TWIST1: variants seen among roughly 807,000 people sequenced by gnomAD.
TWIST1 encodes twist-related protein 1.
TWIST1 carries 8 observed loss-of-function variants against 12.9 expected under a neutral mutation model. The observed-to-expected ratio is 0.62, with a 90% CI of 0.37 to 1.12. The LOEUF (loss-of-function observed/expected upper bound fraction) is 1.12, where lower values mean the gene tolerates loss of function less well. TWIST1 is among the 50% of genes most tolerant of loss of function. The pLI is 0.02. For missense variants in TWIST1, 268 were observed against 299.7 expected (o/e 0.89, Z 0.78); for synonymous variants, 169 against 138.7 (o/e 1.22, Z -1.54).
chr7:19,114,623 T>A (rs1788531097), downstream of TWIST1, among the ~76,000 whole-genome samples: 2 of 151,886 alleles, frequency 1.3e-5, no homozygotes, highest in Admixed American at 1.3e-4. Flanking sequence ...AACTTCAGAT[T>A]GTGTGTGTGT....
downstream of TWIST1, chr7:19,113,807 A>G (rs960576984): frequency 6.6e-6 from 1 of 152,214 alleles, no homozygotes; most frequent in African/African-American, 2.4e-5. Flanking sequence ...GAAATAAAAG[A>G]AAGGCAAATG....
chr7:19,116,640 AGGCGAAGG>A, intron 1 of TWIST1, 23 bp downstream of exon 1: 1 of 1,504,672 alleles, frequency 6.6e-7, no homozygotes. Context: ...GCCACCTGAG[AGGCGAAGG>A]GGTGCAGCGG....
In TWIST1 at chr7:19,117,398, C is replaced by A. The variant is rs902941485; in HGVS notation, c.-77G>T. The A allele has an allele frequency of 1.5e-5, 19 of 1,293,268 alleles. 1 individual carries two copies. Among genetic ancestry groups the A allele is most frequent in the South Asian group, 1.9e-5 (1 of 53,738 alleles). 80.1% of individuals were successfully genotyped at this position (1,293,268 alleles called of 1,614,324 possible). A position where few individuals can be genotyped will look rare whatever the true frequency, so the allele number is the denominator to read the frequency against. ...GGGGCGCCTCAGCCCGCCAGCTTCC[C>A]CCGCGCGCGGCGCCGGCCCGGGCGA... is the stretch of plus-strand genomic sequence containing the variant. On this transcript the variant is annotated 5_prime_UTR_variant, in exon 1 of 2. Coordinates refer to ENST00000242261, the MANE Select transcript of TWIST1 (RefSeq NM_000474.4).
chr7:19,114,994 AT>A (rs1234680697), downstream of TWIST1, among the ~76,000 whole-genome samples: 2 of 152,284 alleles, frequency 1.3e-5, no homozygotes, highest in East Asian at 3.9e-4. Context: ...TTTATTTTCT[AT>A]GCATTTCTGG....
chr7:19,116,460 G>A (rs1788566835), intron 1 of TWIST1, among the ~76,000 whole-genome samples: 1 of 152,186 alleles, frequency 6.6e-6, no homozygotes, highest in Admixed American at 6.5e-5. Context: ...CCCCTCACCA[G>A]GGCGCATCCC....
At position 19,117,102 on chromosome 7, in the gene TWIST1, G is replaced by T; in HGVS notation, c.220C>A (p.Arg74Ser). Residue 74 changes from arginine to serine, a missense_variant, in exon 1 of 2, where the codon CGC becomes AGC. Around this residue, in one of 2 missense-constraint regions of TWIST1, gnomAD observed 189 missense variants for 172.1 expected, o/e 1.10. Transcript: ENST00000242261. ...DEPGSPAQGK[R>S]GKKSAGCGGG... The stretch of plus-strand genomic sequence containing the variant: ...CCACAGCCCGCAGACTTCTTGCCGC[G>T]CTTGCCCTGGGCCGGGCTGCCCGGC... 7.5e-7 allele frequency: 1 copy of T among 1,327,842 alleles called. No homozygotes were observed. The allele number at this position is 1,327,842 out of a possible 1,614,324, so 82.3% of individuals were successfully genotyped here. A position where few individuals can be genotyped will look rare whatever the true frequency, so the allele number is the denominator to read the frequency against.
rs1308925887 is a variant in TWIST1, at chr7:19,117,064, G to A, written c.258C>T (p.Gly86=). The change falls in exon 1 of 2, where the codon GGC becomes GGT. Residue 86 remains glycine, a synonymous_variant. Coordinates refer to ENST00000242261, the MANE Select transcript of TWIST1 (RefSeq NM_000474.4). ...KKSAGCGGGG[G]AGGGGGSSSG... ...TGCTGCTGCCGCCGCCGCCGCCCGC[G>A]CCGCCGCCGCCGCCACAGCCCGCAG... The A allele has an allele frequency of 7.3e-7, 1 of 1,376,980 alleles. No individual in the cohort carries two copies. Among genetic ancestry groups the A allele is most frequent in the Non-Finnish European group, 9.3e-7 (1 of 1,072,592 alleles). The allele number at this position is 1,376,980 out of a possible 1,614,324, so 85.3% of individuals were successfully genotyped here.
Position 19,117,015 on chromosome 7 carries a change from A to G in TWIST1, c.307T>C (p.Tyr103His). ...ACCCGCTGCGTCTGCAGCTCCTCGT[A>G]AGACTGCGGACTCCCGCCGCCGCTG... ...SSSGGGSPQS[Y>H]EELQTQRVMA... Residue 103 changes from tyrosine to histidine, a missense_variant, in exon 1 of 2, where the codon TAC becomes CAC. Tyr to His is a moderately conservative substitution (Grantham distance 83). This residue lies in a region of TWIST1 where 189 missense variants were observed against 172.1 expected (regional missense o/e 1.10). Transcript: ENST00000242261. The G allele has an allele frequency of 1.3e-6, 2 of 1,569,774 alleles. No homozygotes were observed. The highest frequency in any genetic ancestry group is 1.7e-6 in the Non-Finnish European group (2 of 1,164,674).
rs887861136 is a variant in TWIST1 at position 19,117,627 on chromosome 7, T to A, written c.-306A>T. The A allele has an allele frequency of 9.5e-7, 1 of 1,055,800 alleles. No homozygotes were observed. The highest frequency in any genetic ancestry group is 1.7e-5 in the African/African-American group (1 of 58,904). The allele number at this position is 1,055,800 out of a possible 1,614,324, so 65.4% of individuals were successfully genotyped here. A position where few individuals can be genotyped will look rare whatever the true frequency, so the allele number is the denominator to read the frequency against. On this transcript the variant is annotated 5_prime_UTR_variant, in exon 1 of 2. Coordinates refer to ENST00000242261, the MANE Select transcript of TWIST1 (RefSeq NM_000474.4). Reference sequence around the variant, plus strand: ...CCGGTGCTGCAGAGCCCGCGAGGTGTCTGGGAGTTGGGCGAGAGCTGCAGA... The same window carrying A: ...CCGGTGCTGCAGAGCCCGCGAGGTGACTGGGAGTTGGGCGAGAGCTGCAGA...
At chr7:19,113,567 A>C (rs1788511573), downstream of TWIST1, 1 of 152,226 alleles carries the variant, frequency 6.6e-6, no homozygotes, top group African/African-American at 2.4e-5. Context: ...AGGGATTAGA[A>C]TCTGCAAGCT....
downstream of TWIST1, among the ~76,000 whole-genome samples, chr7:19,114,626 G>C (rs1788531139): frequency 6.6e-6 from 1 of 152,136 alleles, no homozygotes; most frequent in Non-Finnish European, 1.5e-5. Flanking sequence ...TTCAGATTGT[G>C]TGTGTGTGTA....
rs1301097853 is a variant in TWIST1 at position 19,117,442 on chromosome 7, G to A, written c.-121C>T. The stretch of plus-strand genomic sequence containing the variant: ...CGGGCGATGCGGCCCGCGGAGGAGA[G>A]AGCAGGAGGACGGACGGGAGGGACC... On this transcript the variant is annotated 5_prime_UTR_variant, in exon 1 of 2. Transcript: ENST00000242261. 4.2e-6 allele frequency: 5 copies of A among 1,201,414 alleles called. No homozygotes were observed. Among genetic ancestry groups the A allele is most frequent in the South Asian group, 5.8e-5 (2 of 34,616 alleles). The allele number at this position is 1,201,414 out of a possible 1,614,324, so 74.4% of individuals were successfully genotyped here.
rs1788603061 is a variant in TWIST1, at chr7:19,117,485, C to G, written c.-164G>C. 4.4e-6 allele frequency: 5 copies of G among 1,138,706 alleles called. No individual in the cohort carries two copies. The highest frequency in any genetic ancestry group is 5.4e-6 in the Non-Finnish European group (5 of 922,614). 70.5% of individuals were successfully genotyped at this position (1,138,706 alleles called of 1,614,324 possible). On this transcript the variant is annotated 5_prime_UTR_variant, in exon 1 of 2. Coordinates refer to ENST00000242261, the MANE Select transcript of TWIST1 (RefSeq NM_000474.4). ...GAGGGACCTCCGCGGGGAGGGCGCGCGGGGGAGGCGGGGAGGGAGGCGGGA... is the reference window on the plus strand; with the variant it reads ...GAGGGACCTCCGCGGGGAGGGCGCGGGGGGGAGGCGGGGAGGGAGGCGGGA...
At chr7:19,113,973 T>G (rs1788518346), downstream of TWIST1, 1 of 152,040 alleles carries the variant, frequency 6.6e-6, no homozygotes, top group Admixed American at 6.6e-5. Context: ...AGACTCCCCA[T>G]GAATAATTTA....
rs1289568230 is a variant in TWIST1 at position 19,115,892 on chromosome 7, G to T, written c.*282C>A. On this transcript the variant is annotated 3_prime_UTR_variant, in exon 2 of 2. Transcript: ENST00000242261. Reference sequence around the variant, plus strand: ...AAAAAAAAAAAAAACACAAACAACTGTTCAGACTTCTATCAGAATGCAGAG... The same window carrying T: ...AAAAAAAAAAAAAACACAAACAACTTTTCAGACTTCTATCAGAATGCAGAG... The T allele has an allele frequency of 6.8e-6, 1 of 146,302 alleles. No individual in the cohort carries two copies. The highest frequency in any genetic ancestry group is 1.5e-5 in the Non-Finnish European group (1 of 66,838). 9.1% of individuals were successfully genotyped at this position (146,302 alleles called of 1,614,324 possible).
Position 19,117,440 on chromosome 7 carries a change from G to C in TWIST1, c.-119C>G, listed in dbSNP as rs1788601041. On this transcript the variant is annotated 5_prime_UTR_variant, in exon 1 of 2. Coordinates refer to ENST00000242261, the MANE Select transcript of TWIST1 (RefSeq NM_000474.4). ...CCCGGGCGATGCGGCCCGCGGAGGA[G>C]AGAGCAGGAGGACGGACGGGAGGGA... 4.2e-6 allele frequency: 5 copies of C among 1,199,768 alleles called. No homozygotes were observed. Among genetic ancestry groups the C allele is most frequent in the South Asian group, 2.9e-5 (1 of 34,780 alleles). The allele number at this position is 1,199,768 out of a possible 1,614,324, so 74.3% of individuals were successfully genotyped here. A position where few individuals can be genotyped will look rare whatever the true frequency, so the allele number is the denominator to read the frequency against.
chr7:19,117,458 G>T lies in TWIST1; in HGVS notation c.-137C>A, dbSNP rs552394454. 4 of 1,188,694 alleles carry T rather than the reference G, an allele frequency of 3.4e-6. No individual in the cohort carries two copies. Among genetic ancestry groups the T allele is most frequent in the Non-Finnish European group, 3.1e-6 (3 of 955,200 alleles). 73.6% of individuals were successfully genotyped at this position (1,188,694 alleles called of 1,614,324 possible). ...CGGAGGAGAGAGCAGGAGGACGGAC[G>T]GGAGGGACCTCCGCGGGGAGGGCGC... On this transcript the variant is annotated 5_prime_UTR_variant, in exon 1 of 2. Transcript: ENST00000242261.
In TWIST1 at chr7:19,116,697, T is replaced by TG. The variant is rs778566992; in HGVS notation, c.*15dup. The TG allele has an allele frequency of 5.7e-6, 9 of 1,587,450 alleles. No individual in the cohort carries two copies. In the East Asian group the frequency reaches 9.2e-5, roughly 16 times the overall value. On this transcript the variant is annotated 3_prime_UTR_variant, in exon 1 of 2. Transcript: ENST00000242261. ...TAGGTCTCCGGCCCTGCTGAGGGGG[T>TG]GGGGGGCTCCGCCTGCTAGTGGGAC...
chr7:19,115,188 T>C (rs1563159092), downstream of TWIST1, among the ~76,000 whole-genome samples: 1 of 152,130 alleles, frequency 6.6e-6, no homozygotes, highest in Non-Finnish European at 1.5e-5. Flanking sequence ...CACCTCAAAA[T>C]AAAAAGGAGG....
Sources: gnomAD v4.1 joint callset for allele counts (sites outside exome capture counted in the v4.1 genomes callset) on GRCh38, gnomAD v4.1.1 for gene constraint, gnomAD v4.1.1 regional missense constraint, MANE v1.5 for transcripts, NCBI Gene and HGNC (gene_info 2026-07-23, HGNC 2026-07-21) for gene names.